Variants in FNDC3B observed in about 807,000 individuals in gnomAD.
The protein encoded by FNDC3B is fibronectin type III domain-containing protein 3B.
Under a neutral mutation model 151.5 loss-of-function variants are expected in FNDC3B, and 12 were observed. The observed-to-expected ratio is 0.08, with a 90% CI of 0.05 to 0.13. The LOEUF (loss-of-function observed/expected upper bound fraction) is 0.13, where lower values mean the gene tolerates loss of function less well. FNDC3B is among the 10% of genes least tolerant of loss of function. The pLI is 1.00. For synonymous variants in FNDC3B, 528 were observed against 549.0 expected, an observed-to-expected ratio of 0.96 and a Z score of 0.54; for missense variants, 1,214 against 1,505.3, an observed-to-expected ratio of 0.81 and a Z score of 3.20.
At chr3:172,164,325 A>G (rs1722910318) in intron 3 of FNDC3B, among the ~76,000 whole-genome samples, 1 of 152,256 alleles carries the variant, frequency 6.6e-6, no homozygotes, top group Non-Finnish European at 1.5e-5. Flanking sequence ...TTCTAAGCCC[A>G]ATATATAAAT....
At chr3:172,071,503 A>G (rs1355395593) in intron 1 of FNDC3B, among the ~76,000 whole-genome samples, 1 of 152,200 alleles carries the variant, frequency 6.6e-6, no homozygotes, top group African/African-American at 2.4e-5. Context: ...AACCTGGTTT[A>G]TATGTGTATA....
intron 23 of FNDC3B, among the ~76,000 whole-genome samples, chr3:172,366,376 C>T (rs1032357748): frequency 1.3e-5 from 2 of 152,010 alleles, no homozygotes; most frequent in African/African-American, 4.8e-5. Flanking sequence ...CCTACAGGAG[C>T]GCTAAGCATT....
intron 6 of FNDC3B, among the ~76,000 whole-genome samples, chr3:172,270,019 G>A (rs1324365486): frequency 6.6e-6 from 1 of 152,124 alleles, no homozygotes; most frequent in African/African-American, 2.4e-5. Flanking sequence ...ACTCTTCCTA[G>A]ATATTAATAC....
intron 1 of FNDC3B, among the ~76,000 whole-genome samples, chr3:172,096,318 G>A (rs1280794750): frequency 1.3e-5 from 2 of 152,104 alleles, no homozygotes; most frequent in African/African-American, 2.4e-5. Context: ...TAGAAACAAG[G>A]AATTGCATTT....
At chr3:172,266,164 A>C (rs1277325630) in intron 6 of FNDC3B, among the ~76,000 whole-genome samples, 2 of 152,222 alleles carry the variant, frequency 1.3e-5, no homozygotes, top group Non-Finnish European at 2.9e-5. Context: ...ACTCTAGCAC[A>C]GTCTTGCCAC....
chr3:172,098,383 A>T (rs1719194212), intron 1 of FNDC3B, among the ~76,000 whole-genome samples: 1 of 152,256 alleles, frequency 6.6e-6, no homozygotes, highest in African/African-American at 2.4e-5. Flanking sequence ...CATTGTTAAC[A>T]TGATACTACT....
At chr3:172,222,660 G>A (rs572403815) in intron 3 of FNDC3B, among the ~76,000 whole-genome samples, 1 of 152,234 alleles carries the variant, frequency 6.6e-6, no homozygotes, top group South Asian at 2.1e-4. Context: ...TCACGATAGG[G>A]TTCGCTGCTG....
chr3:172,383,491 T>A (rs892331156), intron 25 of FNDC3B, among the ~76,000 whole-genome samples: 4 of 152,244 alleles, frequency 2.6e-5, no homozygotes, highest in African/African-American at 9.6e-5. Flanking sequence ...AGGGAGATGA[T>A]GCATAGGCCC....
chr3:172,103,568 A>G (rs1217985148), intron 1 of FNDC3B, among the ~76,000 whole-genome samples: 1 of 152,162 alleles, frequency 6.6e-6, no homozygotes. Flanking sequence ...CCTATACAAT[A>G]GGGACATCCA....
At chr3:172,157,119 CTG>C (rs1361626724) in intron 3 of FNDC3B, among the ~76,000 whole-genome samples, 3 of 152,088 alleles carry the variant, frequency 2.0e-5, no homozygotes, top group African/African-American at 7.2e-5. Flanking sequence ...GAGATGAGAT[CTG>C]TTGTTATTTT....
intron 3 of FNDC3B, among the ~76,000 whole-genome samples, chr3:172,173,405 A>G (rs555551073): frequency 6.6e-6 from 1 of 152,260 alleles, no homozygotes; most frequent in South Asian, 2.1e-4. Context: ...AAACAACCAT[A>G]TGGAAGAATT....
chr3:172,371,700 T>G (rs1403970930), intron 23 of FNDC3B, among the ~76,000 whole-genome samples: 3 of 152,228 alleles, frequency 2.0e-5, no homozygotes, highest in Non-Finnish European at 4.4e-5. Context: ...GTGCCTAGAT[T>G]GGGCGCATTG....
chr3:172,237,982 C>T (rs144045166), intron 4 of FNDC3B, among the ~76,000 whole-genome samples: 7 of 152,222 alleles, frequency 4.6e-5, no homozygotes, highest in African/African-American at 7.2e-5. Context: ...GGAGCTGGTC[C>T]GAAACCTAGA....
At chr3:172,087,046 C>G (rs947280430) in intron 1 of FNDC3B, among the ~76,000 whole-genome samples, 1 of 152,176 alleles carries the variant, frequency 6.6e-6, no homozygotes, top group Non-Finnish European at 1.5e-5. Context: ...TCCATTTCTT[C>G]CAAGCCACTC....
chr3:172,346,656 A>G (rs1733631153), intron 20 of FNDC3B, among the ~76,000 whole-genome samples: 1 of 151,804 alleles, frequency 6.6e-6, no homozygotes, highest in Non-Finnish European at 1.5e-5. Context: ...CTGAGAGGAA[A>G]TGGTTTCTCA....
chr3:172,359,280 A>C (rs1490590240), intron 22 of FNDC3B, among the ~76,000 whole-genome samples: 1 of 152,054 alleles, frequency 6.6e-6, no homozygotes, highest in Non-Finnish European at 1.5e-5. Flanking sequence ...TTTCTTGAGT[A>C]TAGAATAGAA....
rs1717078224 is a variant in FNDC3B, at chr3:172,059,423, C to T, written c.-29+19652C>T. Among the ~76,000 whole-genome samples the T allele has an allele frequency of 7.2e-5, 11 of 152,072 alleles. 1 individual carries two copies. In the South Asian group the frequency reaches 2.3e-3, roughly 31 times the overall value. On this transcript the variant is annotated intron_variant, in intron 1 of 25. Coordinates refer to ENST00000415807, the MANE Select transcript of FNDC3B (RefSeq NM_022763.4). Reference sequence around the variant, plus strand: ...CTCCATGGCATGGGGGAATTTGAAGCTTATATATAAAGGACTTAAAAGGCT... The same window carrying T: ...CTCCATGGCATGGGGGAATTTGAAGTTTATATATAAAGGACTTAAAAGGCT...
In FNDC3B at chr3:172,178,589, G is replaced by A. The variant is rs114105468; in HGVS notation, c.187+45043G>A. ...GCATTGGTTTAGGGCTGTAGCTATG[G>A]GGGTAGCAGGAAAAGATGGGAGGAG... On this transcript the variant is annotated intron_variant, in intron 3 of 25. Transcript: ENST00000415807. 1.4e-3 allele frequency among the ~76,000 whole-genome samples: 216 copies of A among 152,290 alleles called. 2 individuals are homozygous for A. Among genetic ancestry groups the A allele is most frequent in the African/African-American group, 5.1e-3 (211 of 41,550 alleles).
intron 23 of FNDC3B, among the ~76,000 whole-genome samples, chr3:172,365,005 A>G (rs1734544585): frequency 6.6e-6 from 1 of 152,234 alleles, no homozygotes; most frequent in African/African-American, 2.4e-5. Context: ...TAATAGAATG[A>G]AAACAGCCTA....
Sources: gnomAD v4.1 joint callset for allele counts (sites outside exome capture counted in the v4.1 genomes callset) on GRCh38, gnomAD v4.1.1 for gene constraint, MANE v1.5 for transcripts, NCBI Gene and HGNC (gene_info 2026-07-23, HGNC 2026-07-21) for gene names.